Variants in MAGI2 observed in about 807,000 individuals in gnomAD.
MAGI2 encodes the protein membrane associated guanylate kinase, WW and PDZ domain containing 2.
A neutral mutation model predicts 133.3 loss-of-function variants in MAGI2; 35 were observed. The observed-to-expected ratio is 0.26, with a 90% CI of 0.20 to 0.35. The LOEUF (loss-of-function observed/expected upper bound fraction) is 0.35, where lower values mean the gene tolerates loss of function less well. MAGI2 is among the 10% of genes least tolerant of loss of function. The pLI is 1.00. For synonymous variants in MAGI2, 729 were observed against 710.6 expected (o/e 1.03, Z -0.41); for missense variants, 1,636 against 1,863.4 (o/e 0.88, Z 2.25).
chr7:78,616,184 TC>T (rs1807065055), intron 3 of MAGI2: 2 of 152,198 alleles, frequency 1.3e-5, no homozygotes, highest in African/African-American at 4.8e-5. Flanking sequence ...ACATTCTAGT[TC>T]CTTTGTTTTA....
intron 1 of MAGI2, among the ~76,000 whole-genome samples, chr7:79,100,092 T>G (rs1170938817): frequency 1.3e-5 from 2 of 150,602 alleles, no homozygotes; most frequent in African/African-American, 5.0e-5. Flanking sequence ...GACTGCATAT[T>G]ATTCCATTTT....
At chr7:78,976,604 G>A (rs1261592736) in intron 2 of MAGI2, among the ~76,000 whole-genome samples, 1 of 149,668 alleles carries the variant, frequency 6.7e-6, no homozygotes, top group African/African-American at 2.5e-5. Context: ...TCTATCTAGT[G>A]AAAAGATGAG....
At chr7:78,282,169 G>C (rs757526304) in intron 9 of MAGI2, among the ~76,000 whole-genome samples, 1 of 139,010 alleles carries the variant, frequency 7.2e-6, no homozygotes, top group Non-Finnish European at 1.5e-5. Context: ...GATTTAAAAA[G>C]AAGCTTTGGA....
At chr7:78,397,713 T>C (rs745953571) in intron 6 of MAGI2, among the ~76,000 whole-genome samples, 11 of 152,060 alleles carry the variant, frequency 7.2e-5, no homozygotes, top group Non-Finnish European at 1.5e-4. Flanking sequence ...GATATAAAAA[T>C]CAAGAAGATG....
chr7:79,407,288 T>C (rs1250210894), intron 1 of MAGI2, among the ~76,000 whole-genome samples: 4 of 152,130 alleles, frequency 2.6e-5, no homozygotes, highest in African/African-American at 9.7e-5. Context: ...ACTGCCACGT[T>C]AAAGAAAACC....
intron 1 of MAGI2, among the ~76,000 whole-genome samples, chr7:79,037,453 G>A (rs1271212505): frequency 1.2e-4 from 19 of 152,110 alleles, no homozygotes; most frequent in Non-Finnish European, 1.5e-4. Flanking sequence ...CACTGAAATA[G>A]TAACAGAGGT....
intron 9 of MAGI2, among the ~76,000 whole-genome samples, chr7:78,294,077 T>TAA (rs34000848): frequency 6.6e-6 from 1 of 151,900 alleles, no homozygotes; most frequent in African/African-American, 2.4e-5. Context: ...TAAAGTATAA[T>TAA]AAAAAAATAT....
At chr7:78,368,461 T>C (rs1793604911) in intron 7 of MAGI2, among the ~76,000 whole-genome samples, 1 of 152,156 alleles carries the variant, frequency 6.6e-6, no homozygotes, top group Non-Finnish European at 1.5e-5. Flanking sequence ...CATTATACGA[T>C]AGATAAGAAT....
intron 1 of MAGI2, among the ~76,000 whole-genome samples, chr7:79,229,523 T>C (rs1831167602): frequency 2.6e-5 from 4 of 152,150 alleles, no homozygotes; most frequent in Admixed American, 2.6e-4. Flanking sequence ...TCAGTTACCA[T>C]CCCGGAGCCT....
At chr7:79,010,588 TC>T (rs1299246409) in intron 1 of MAGI2, among the ~76,000 whole-genome samples, 2 of 152,182 alleles carry the variant, frequency 1.3e-5, no homozygotes, top group Admixed American at 6.5e-5. Context: ...TTCTGCTCTA[TC>T]ATTTGTTAAT....
intron 1 of MAGI2, among the ~76,000 whole-genome samples, chr7:79,230,240 T>C (rs11977770): frequency 0.6 from 87,793 of 145,886 alleles, 27,848 homozygotes; most frequent in Non-Finnish European, 0.7. Flanking sequence ...TGAATAATGC[T>C]GCAATAAACA....
At chr7:78,075,042 G>A (rs527984435) in intron 21 of MAGI2, among the ~76,000 whole-genome samples, 5 of 152,272 alleles carry the variant, frequency 3.3e-5, no homozygotes, top group East Asian at 3.9e-4. Flanking sequence ...AGTGTGTCTC[G>A]CTGTATCTAA....
At chr7:78,786,632 T>G (rs1375213451) in intron 2 of MAGI2, among the ~76,000 whole-genome samples, 1 of 152,046 alleles carries the variant, frequency 6.6e-6, no homozygotes, top group Non-Finnish European at 1.5e-5. Context: ...CCTAGAACGG[T>G]CTTCTCTTAG....
chr7:78,146,904 G>A (rs1823356714), intron 16 of MAGI2, among the ~76,000 whole-genome samples: 1 of 152,138 alleles, frequency 6.6e-6, no homozygotes, highest in Non-Finnish European at 1.5e-5. Context: ...GTTACAATAG[G>A]TAAATGTCAA....
chr7:78,704,779 T>TTTTTTTTTTTTTCC (rs1554535250), intron 2 of MAGI2, among the ~76,000 whole-genome samples: 1 of 114,680 alleles, frequency 8.7e-6, no homozygotes, highest in African/African-American at 3.8e-5. Context: ...GCCATTATTC[T>TTTTTTTTTTTTTCC]TTTTTTTTTT....
intron 1 of MAGI2, among the ~76,000 whole-genome samples, chr7:79,362,980 C>A (rs1006136295): frequency 2.6e-5 from 4 of 151,482 alleles, no homozygotes; most frequent in Non-Finnish European, 4.4e-5. Flanking sequence ...GAACAAAAGG[C>A]ATAGAGATTA....
intron 4 of MAGI2, among the ~76,000 whole-genome samples, chr7:78,517,107 C>T (rs1308682473): frequency 6.6e-6 from 1 of 151,936 alleles, no homozygotes; most frequent in African/African-American, 2.4e-5. Flanking sequence ...GAATTTGAAG[C>T]CATGGGGCTG....
At chr7:78,117,272 A>G (rs535908010) in intron 20 of MAGI2, among the ~76,000 whole-genome samples, 99 of 152,248 alleles carry the variant, frequency 6.5e-4, no homozygotes, top group African/African-American at 2.4e-3. Flanking sequence ...CATAGATATA[A>G]AAATCTTAAA....
chr7:78,147,539 C>G (rs1823425553), intron 16 of MAGI2, among the ~76,000 whole-genome samples: 2 of 151,918 alleles, frequency 1.3e-5, no homozygotes, highest in South Asian at 4.2e-4. Flanking sequence ...TTTTATTATG[C>G]TAACGTAAGA....
Sources: allele counts gnomAD v4.1 joint callset (sites outside exome capture counted in the v4.1 genomes callset), GRCh38; gene constraint gnomAD v4.1.1; transcripts MANE v1.5; gene names NCBI Gene and HGNC (gene_info 2026-07-23, HGNC 2026-07-21).